Variants in LMOD1 observed in about 807,000 individuals in gnomAD.
LMOD1 encodes leiomodin-1.
Under a neutral mutation model 36.5 loss-of-function variants are expected in LMOD1, and 8 were observed. The ratio of observed to expected loss-of-function variants is 0.22; its 90% CI spans 0.13 to 0.40. The LOEUF (loss-of-function observed/expected upper bound fraction) is 0.40. LMOD1 is among the 10% of genes least tolerant of loss of function. LMOD1 has a pLI of 1.00. For synonymous variants in LMOD1, 284 were observed against 288.7 expected (o/e 0.98, Z 0.17); for missense variants, 630 against 751.1 (o/e 0.84, Z 1.88).
intron 1 of LMOD1, among the ~76,000 whole-genome samples, chr1:201,901,537 T>TATATATATAC (rs1681306333): frequency 3.8e-5 from 1 of 26,010 alleles, no homozygotes; most frequent in African/African-American, 2.8e-4. Context: ...TATGTATATA[T>TATATATATAC]ATATATATAT....
At chr1:201,902,041 C>T (rs1681340733) in intron 1 of LMOD1, among the ~76,000 whole-genome samples, 1 of 151,030 alleles carries the variant, frequency 6.6e-6, no homozygotes, top group Admixed American at 6.6e-5. Flanking sequence ...AAGCAGTCCT[C>T]CCACCTCAGC....
intron 1 of LMOD1, among the ~76,000 whole-genome samples, chr1:201,924,627 A>T (rs1681781105): frequency 6.8e-6 from 1 of 147,968 alleles, no homozygotes; most frequent in Non-Finnish European, 1.5e-5. Flanking sequence ...AGAAGAAAGA[A>T]AGGAAGAATA....
At chr1:201,912,292 G>A (rs758211743) in intron 1 of LMOD1, among the ~76,000 whole-genome samples, 5 of 151,992 alleles carry the variant, frequency 3.3e-5, no homozygotes, top group African/African-American at 9.7e-5. Flanking sequence ...ATTTTTACCC[G>A]GCCTCACTCT....
intron 1 of LMOD1, among the ~76,000 whole-genome samples, chr1:201,912,875 G>A (rs530236430): frequency 1.3e-5 from 2 of 152,140 alleles, no homozygotes; most frequent in South Asian, 2.1e-4. Context: ...CTCCATCTCA[G>A]AAAAAACGAA....
Position 201,898,241 on chromosome 1 carries a change from G to C in LMOD1, c.*131C>G. On this transcript the variant is annotated 3_prime_UTR_variant, in exon 3 of 3. Coordinates refer to ENST00000367288, the MANE Select transcript of LMOD1 (RefSeq NM_012134.3). ...CTTCCTTGAGCGTGACCCAGGCCTGGACTCTCCCATGGCAGAATAGGGACA... is the reference window on the plus strand; with the variant it reads ...CTTCCTTGAGCGTGACCCAGGCCTGCACTCTCCCATGGCAGAATAGGGACA... The C allele has an allele frequency of 1.1e-6, 1 of 896,052 alleles. No homozygotes were observed. Among genetic ancestry groups the C allele is most frequent in the Non-Finnish European group, 1.8e-6 (1 of 550,766 alleles). The allele number at this position is 896,052 out of a possible 1,614,324, so 55.5% of individuals were successfully genotyped here.
At chr1:201,924,099 G>A (rs1288226524) in intron 1 of LMOD1, among the ~76,000 whole-genome samples, 1 of 151,250 alleles carries the variant, frequency 6.6e-6, no homozygotes, top group African/African-American at 2.4e-5. Flanking sequence ...GGCAGATCAC[G>A]AGGTCAGGAG....
chr1:201,935,494 C>A (rs539195713), intron 1 of LMOD1, among the ~76,000 whole-genome samples: 2 of 152,002 alleles, frequency 1.3e-5, no homozygotes, highest in Non-Finnish European at 1.5e-5. Flanking sequence ...CAAATTTGGC[C>A]GGTCATGGTA....
chr1:201,903,726 C>T (rs1034811447), intron 1 of LMOD1, among the ~76,000 whole-genome samples: 1 of 152,074 alleles, frequency 6.6e-6, no homozygotes, highest in African/African-American at 2.4e-5. Context: ...CCTCTCTAGG[C>T]CCATGGTCTA....
chr1:201,936,346 A>G (rs886641569), intron 1 of LMOD1, among the ~76,000 whole-genome samples: 3 of 152,104 alleles, frequency 2.0e-5, no homozygotes, highest in African/African-American at 7.2e-5. Context: ...ATTAGATCAC[A>G]TCTCTCCCCT....
At chr1:201,913,014 C>A (rs1253302131) in intron 1 of LMOD1, among the ~76,000 whole-genome samples, 4 of 152,150 alleles carry the variant, frequency 2.6e-5, no homozygotes, top group Non-Finnish European at 5.9e-5. Context: ...GGCAGCGAGG[C>A]AAGGCAGGCC....
intron 1 of LMOD1, among the ~76,000 whole-genome samples, chr1:201,910,037 C>T (rs954954789): frequency 3.9e-5 from 6 of 152,206 alleles, no homozygotes; most frequent in Non-Finnish European, 8.8e-5. Context: ...CCACAGCCAT[C>T]ACTTAGTGTT....
chr1:201,901,519 T>C (rs1235581061), intron 1 of LMOD1, among the ~76,000 whole-genome samples: 1 of 65,072 alleles, frequency 1.5e-5, no homozygotes, highest in Admixed American at 1.9e-4. Context: ...AAAATATATA[T>C]ATATATATAT....
At chr1:201,924,351 AGGAG>A (rs1408632436) in intron 1 of LMOD1, among the ~76,000 whole-genome samples, 1 of 124,782 alleles carries the variant, frequency 8.0e-6, no homozygotes, top group African/African-American at 2.9e-5. Flanking sequence ...AAGCAAGGGA[AGGAG>A]GGAGGGAGAG....
At chr1:201,909,491 C>CT (rs957913663) in intron 1 of LMOD1, among the ~76,000 whole-genome samples, 24 of 152,320 alleles carry the variant, frequency 1.6e-4, no homozygotes, top group African/African-American at 5.5e-4. Flanking sequence ...AGCAATCCTC[C>CT]TGCCTTGGCC....
chr1:201,913,918 T>C (rs886984991), intron 1 of LMOD1, among the ~76,000 whole-genome samples: 2 of 152,196 alleles, frequency 1.3e-5, no homozygotes, highest in Non-Finnish European at 2.9e-5. Context: ...TATTCATCCA[T>C]TGATAGACAC....
chr1:201,924,160 CAA>C (rs569997969), intron 1 of LMOD1, among the ~76,000 whole-genome samples: 2 of 137,200 alleles, frequency 1.5e-5, no homozygotes, highest in Non-Finnish European at 1.6e-5. Flanking sequence ...AATAAAATAC[CAA>C]AAAAAAAAAA....
chr1:201,929,486 A>G (rs528721145), intron 1 of LMOD1, among the ~76,000 whole-genome samples: 96 of 152,332 alleles, frequency 6.3e-4, no homozygotes, highest in South Asian at 1.0e-3. Context: ...CTGAAGGGGA[A>G]ATATGGCAGT....
intron 1 of LMOD1, among the ~76,000 whole-genome samples, chr1:201,922,573 G>C (rs1339429986): frequency 6.6e-6 from 1 of 152,116 alleles, no homozygotes; most frequent in Admixed American, 6.6e-5. Context: ...CCAGTGGCTG[G>C]TGGGAGGAGA....
chr1:201,899,482 G>A lies in LMOD1; in HGVS notation c.1531C>T (p.Pro511Ser), dbSNP rs1452506979. Reference protein sequence around the residue: ...AGAVAKGSPKPSPQPSPKPSP... With the variant: ...AGAVAKGSPKSSPQPSPKPSP... ...GGCTTTGGAGATGGTTGAGGTGAAG[G>A]TTTTGGGGAGCCCTTAGCCACGGCC... Residue 511 changes from proline (P) to serine (S), a missense_variant, in exon 2 of 3, where the codon CCT becomes TCT. Physicochemically the swap from Pro to Ser is moderately conservative, Grantham distance 74 (BLOSUM62 -1). This residue lies in a region of LMOD1 where 144 missense variants were observed against 169.8 expected (regional missense o/e 0.85). Transcript: ENST00000367288. This position sits in a 1 kb window ranked among gnomAD's most constrained non-coding sequence, Gnocchi z 6.3. 6.2e-7 allele frequency: 1 copy of A among 1,613,980 alleles called. No homozygotes were observed. Among genetic ancestry groups the A allele is most frequent in the East Asian group, 2.2e-5 (1 of 44,862 alleles).
Sources: allele counts gnomAD v4.1 joint callset (sites outside exome capture counted in the v4.1 genomes callset), GRCh38; gene constraint gnomAD v4.1.1; regional missense constraint gnomAD v4.1.1; non-coding constraint Gnocchi (gnomAD v3.1); transcripts MANE v1.5; gene names NCBI Gene and HGNC (gene_info 2026-07-23, HGNC 2026-07-21).